RAD54B: variants seen among roughly 807,000 people sequenced by gnomAD.
The protein encoded by RAD54B is RAD54 homolog B, also known as DNA repair and recombination protein RAD54B.
A neutral mutation model predicts 95.8 loss-of-function variants in RAD54B; 78 were observed. The ratio of observed to expected loss-of-function variants is 0.81; its 90% CI spans 0.68 to 0.98. The LOEUF (loss-of-function observed/expected upper bound fraction) is 0.98, where lower values mean the gene tolerates loss of function less well. RAD54B is among the 50% of genes least tolerant of loss of function. The pLI is 0.00. For missense variants in RAD54B, 957 were observed against 1,056.6 expected (o/e 0.91, Z 1.31); for synonymous variants, 328 against 354.9 (o/e 0.92, Z 0.85).
intron 3 of RAD54B, among the ~76,000 whole-genome samples, chr8:94,457,819 G>A (rs1242325370): frequency 2.0e-5 from 3 of 152,204 alleles, no homozygotes; most frequent in East Asian, 1.9e-4. Flanking sequence ...TAGAGGGATG[G>A]AGCATTTGTT....
intron 1 of RAD54B, among the ~76,000 whole-genome samples, chr8:94,470,582 C>G (rs369893205): frequency 7.7e-6 from 1 of 130,354 alleles, no homozygotes; most frequent in Non-Finnish European, 1.6e-5. Flanking sequence ...GAAACAAGAG[C>G]GAAACTTCGT....
At chr8:94,441,490 A>G (rs1157114072) in intron 3 of RAD54B, among the ~76,000 whole-genome samples, 1 of 152,226 alleles carries the variant, frequency 6.6e-6, no homozygotes, top group East Asian at 1.9e-4. Flanking sequence ...AGCCAGATGT[A>G]AGAGATGCAT....
At chr8:94,450,928 A>C (rs1018210334) in intron 3 of RAD54B, among the ~76,000 whole-genome samples, 3 of 152,188 alleles carry the variant, frequency 2.0e-5, no homozygotes, top group Non-Finnish European at 2.9e-5. Context: ...ATTTTTCACT[A>C]TGAAAGAAAG....
chr8:94,396,489 TCCTGTAA>T (rs1811149390), intron 8 of RAD54B, among the ~76,000 whole-genome samples: 1 of 151,984 alleles, frequency 6.6e-6, no homozygotes, highest in African/African-American at 2.4e-5. Flanking sequence ...ACCTATATCC[TCCTGTAA>T]CCTCCACAGA....
chr8:94,429,043 A>C (rs1812016421), intron 3 of RAD54B: 1 of 984,948 alleles, frequency 1.0e-6, no homozygotes, highest in Non-Finnish European at 1.2e-6. Context: ...ATGCATTTAA[A>C]CTTTTGCAAA....
intron 3 of RAD54B, among the ~76,000 whole-genome samples, chr8:94,435,148 C>T (rs1243085778): frequency 6.6e-6 from 1 of 151,984 alleles, no homozygotes; most frequent in African/African-American, 2.4e-5. Context: ...ATAAGTAGCA[C>T]AGTATAAAAC....
At chr8:94,464,297 C>T (rs1460451019) in intron 2 of RAD54B, among the ~76,000 whole-genome samples, 4 of 152,118 alleles carry the variant, frequency 2.6e-5, no homozygotes, top group African/African-American at 9.7e-5. Flanking sequence ...AGAACTCAAA[C>T]GTGCTTCCCT....
intron 8 of RAD54B, among the ~76,000 whole-genome samples, chr8:94,396,482 T>A (rs1332452370): frequency 6.6e-6 from 1 of 152,016 alleles, no homozygotes; most frequent in Non-Finnish European, 1.5e-5. Flanking sequence ...AACCTACACC[T>A]ATATCCTCCT....
intron 3 of RAD54B, among the ~76,000 whole-genome samples, chr8:94,454,542 T>C (rs1182729615): frequency 6.6e-6 from 1 of 152,250 alleles, no homozygotes; most frequent in Non-Finnish European, 1.5e-5. Flanking sequence ...AAGTTTAAAC[T>C]GCTAATTACA....
At chr8:94,406,623 T>G (rs1341215584) in intron 5 of RAD54B, among the ~76,000 whole-genome samples, 2 of 152,214 alleles carry the variant, frequency 1.3e-5, no homozygotes, top group Admixed American at 6.5e-5. Context: ...GAGACGAATC[T>G]AAATGATCTC....
intron 11 of RAD54B, among the ~76,000 whole-genome samples, chr8:94,383,241 C>T (rs1404759529): frequency 4.7e-5 from 7 of 147,480 alleles, no homozygotes; most frequent in Non-Finnish European, 8.9e-5. Flanking sequence ...GCTGAGATCA[C>T]GCCACTGCAC....
chr8:94,387,239 GA>G (rs35280987), intron 10 of RAD54B, 80 bp from the exon 11 acceptor site: 8 of 1,183,920 alleles, frequency 6.8e-6, no homozygotes, highest in African/African-American at 1.6e-5. Flanking sequence ...ATTATGGAAG[GA>G]AAAAGGTGAA....
chr8:94,436,634 C>T (rs1363245489), intron 3 of RAD54B: 1 of 1,550,526 alleles, frequency 6.4e-7, no homozygotes, highest in Non-Finnish European at 8.7e-7. Context: ...TCCTGTTTGG[C>T]ATATTCTTTG....
intron 14 of RAD54B, among the ~76,000 whole-genome samples, chr8:94,375,197 A>T (rs1007297393): frequency 6.6e-6 from 1 of 152,218 alleles, no homozygotes; most frequent in Non-Finnish European, 1.5e-5. Flanking sequence ...ATACTTGAAG[A>T]TATTCAAAAT....
intron 3 of RAD54B, among the ~76,000 whole-genome samples, chr8:94,458,035 GT>G (rs1434292276): frequency 6.6e-6 from 1 of 152,110 alleles, no homozygotes; most frequent in Non-Finnish European, 1.5e-5. Flanking sequence ...ATTTGACCAA[GT>G]TTATAATCAA....
rs1313985447 is a variant in RAD54B, at chr8:94,470,985, G to A, written c.-16-3430C>T. 3.3e-5 allele frequency among the ~76,000 whole-genome samples: 5 copies of A among 152,156 alleles called. No homozygotes were observed. In the East Asian group the frequency reaches 7.7e-4, roughly 24 times the overall value. ...CAAACTTTCCCTTATATAATGTTGG[G>A]AATGCTTTTTCCCACTTTTCTTTGC... On this transcript the variant is annotated intron_variant, in intron 1 of 14. Transcript: ENST00000336148.
At position 94,411,157 on chromosome 8, in the gene RAD54B, T is replaced by C; in HGVS notation, c.463A>G (p.Ile155Val). 1 of 1,610,200 alleles carries C rather than the reference T, an allele frequency of 6.2e-7. No individual in the cohort carries two copies. Residue 155 changes from isoleucine to valine, a missense_variant, in exon 4 of 15, where the codon ATA becomes GTA. Coordinates refer to ENST00000336148, the MANE Select transcript of RAD54B (RefSeq NM_012415.3). ...TCTTTGCCTTCCAAATTCTTTAATA[T>C]AAATGACTTTCCTTTTACAATAAGA... Reference protein sequence around the residue: ...AVLIVKGKSFILKNLEGKDIG... With the variant: ...AVLIVKGKSFVLKNLEGKDIG...
chr8:94,407,728 T>C lies in RAD54B; in HGVS notation c.500-8A>G. The C allele has an allele frequency of 6.3e-7, 1 of 1,599,486 alleles. No individual in the cohort carries two copies. The highest frequency in any genetic ancestry group is 8.5e-7 in the Non-Finnish European group (1 of 1,172,428). On this transcript the variant is annotated splice_polypyrimidine_tract_variant and splice_region_variant and intron_variant, in intron 4 of 14. Coordinates refer to ENST00000336148, the MANE Select transcript of RAD54B (RefSeq NM_012415.3). Reference sequence around the variant, plus strand: ...TGAATTTATAACCAATGCCTTTAAGTTAAGAAAGAAAAAAATTAATTGACA... The same window carrying C: ...TGAATTTATAACCAATGCCTTTAAGCTAAGAAAGAAAAAAATTAATTGACA...
intron 9 of RAD54B, chr8:94,393,435 A>C: frequency 3.9e-6 from 1 of 253,998 alleles, no homozygotes; most frequent in Non-Finnish European, 7.4e-6. Context: ...ACCATCTCTA[A>C]ATAAACAAAC....
Sources: gnomAD v4.1 joint callset for allele counts (sites outside exome capture counted in the v4.1 genomes callset) on GRCh38, gnomAD v4.1.1 for gene constraint, MANE v1.5 for transcripts, NCBI Gene and HGNC (gene_info 2026-07-23, HGNC 2026-07-21) for gene names.